RSPH10B: variants seen among roughly 807,000 people sequenced by gnomAD.
RSPH10B encodes radial spoke head 10 homolog B.
A neutral mutation model predicts 52.5 loss-of-function variants in RSPH10B; 7 were observed. That is an observed-to-expected ratio of 0.13 (90% CI 0.08 to 0.25). The LOEUF is 0.25. Ranked by LOEUF, RSPH10B falls within the 10% of genes least tolerant of loss-of-function variation. The probability of loss-of-function intolerance (pLI) is 1.00; values close to 1 mark genes in which losing one functional copy is unlikely to be tolerated. For missense variants in RSPH10B, 89 were observed against 542.5 expected (o/e 0.16, Z 8.30); for synonymous variants, 28 against 193.2 (o/e 0.14, Z 7.09).
chr7:5,927,752 C>T (rs1197352406), intron 18 of RSPH10B, among the ~76,000 whole-genome samples: 1 of 146,916 alleles, frequency 6.8e-6, no homozygotes, highest in Non-Finnish European at 1.5e-5. Flanking sequence ...CCTGGACAAC[C>T]TGGTGAAACC....
chr7:5,961,378 C>G (rs557925945), intron 3 of RSPH10B, among the ~76,000 whole-genome samples: 7 of 144,158 alleles, frequency 4.9e-5, no homozygotes, highest in African/African-American at 1.8e-4. Flanking sequence ...CTCACTCTGT[C>G]GCCCAGGCTG....
At chr7:5,929,276 C>T (rs528291017) in intron 17 of RSPH10B, among the ~76,000 whole-genome samples, 24 of 142,404 alleles carry the variant, frequency 1.7e-4, no homozygotes, top group African/African-American at 6.5e-4. Context: ...AACTCCTGGG[C>T]TCAAATGATC....
At chr7:5,928,986 A>G (rs998568516) in intron 17 of RSPH10B, among the ~76,000 whole-genome samples, 5 of 146,844 alleles carry the variant, frequency 3.4e-5, no homozygotes, top group South Asian at 2.2e-4. Flanking sequence ...TCCATGTTTC[A>G]AGAATAAAAA....
At chr7:5,931,079 G>A (rs1214284297) in intron 17 of RSPH10B, among the ~76,000 whole-genome samples, 4 of 121,396 alleles carry the variant, frequency 3.3e-5, no homozygotes, top group East Asian at 2.4e-4. Context: ...GACTACAGGC[G>A]TGTGCCACCA....
chr7:5,930,870 G>C (rs1779725952), intron 17 of RSPH10B, among the ~76,000 whole-genome samples: 1 of 55,812 alleles, frequency 1.8e-5, no homozygotes, highest in Non-Finnish European at 3.7e-5. Context: ...AAGATGCCTA[G>C]CAGCAAAGGA....
At chr7:5,940,623 G>A (rs565769436) in intron 13 of RSPH10B, among the ~76,000 whole-genome samples, 19 of 10,144 alleles carry the variant, frequency 1.9e-3, no homozygotes, top group African/African-American at 5.5e-3. Context: ...TTGACTGACA[G>A]AGACTGTGAG....
chr7:5,943,460 C>G (rs753302771), exon 13 of RSPH10B: 17 of 1,584,124 alleles, frequency 1.1e-5, no homozygotes, highest in Non-Finnish European at 9.4e-6. Context: ...CTGTTGCTCA[C>G]GGAATAAATT....
chr7:5,955,173 GA>G (rs575449168), intron 7 of RSPH10B, among the ~76,000 whole-genome samples: 34 of 127,434 alleles, frequency 2.7e-4, no homozygotes, highest in African/African-American at 8.3e-4. Flanking sequence ...TCAAAAAAAA[GA>G]AAAAAAAAGT....
At position 5,932,887 on chromosome 7, in the gene RSPH10B, TA is replaced by T; in HGVS notation, c.2140-13del. On this transcript the variant is annotated splice_polypyrimidine_tract_variant and intron_variant, in intron 16 of 18. Coordinates refer to ENST00000337579, the Ensembl canonical transcript of RSPH10B. ...TTCTTGATCTTGGGCTTTTGCATTTTAAAAAAATCATAAAGCAAAATATTAC... is the reference window on the plus strand; with the variant it reads ...TTCTTGATCTTGGGCTTTTGCATTTTAAAAAATCATAAAGCAAAATATTAC... 2.9e-6 allele frequency: 1 copy of T among 343,476 alleles called. No homozygotes were observed. The allele number at this position is 343,476 out of a possible 1,614,324, so 21.3% of individuals were successfully genotyped here. A position where few individuals can be genotyped will look rare whatever the true frequency, so the allele number is the denominator to read the frequency against.
chr7:5,957,776 A>G, intron 6 of RSPH10B, 131 bp downstream of exon 8: 6 of 1,243,278 alleles, frequency 4.8e-6, no homozygotes, highest in South Asian at 1.6e-5. Context: ...AGCCTGGGAG[A>G]CAGACAGAGA....
intron 3 of RSPH10B, among the ~76,000 whole-genome samples, chr7:5,961,329 AG>A (rs1780934704): frequency 6.8e-6 from 1 of 146,090 alleles, no homozygotes; most frequent in Non-Finnish European, 1.5e-5. Context: ...CTCTAGAAAA[AG>A]ATTTTATTTG....
rs1224545977 is a variant in RSPH10B at position 5,942,869 on chromosome 7, AT to A, written c.1758+454del. 9.5e-3 allele frequency among the ~76,000 whole-genome samples: 1,370 copies of A among 144,772 alleles called. 17 individuals are homozygous for A. Among genetic ancestry groups the A allele is most frequent in the African/African-American group, 0.033 (1,295 of 39,048 alleles). The allele number at this position is 144,772 out of a possible 152,430, so 95.0% of individuals were successfully genotyped here. On this transcript the variant is annotated intron_variant, in intron 13 of 18. Coordinates refer to ENST00000337579, the Ensembl canonical transcript of RSPH10B. ...AAGAGCAAAACTCCGTCTCAAAAAA[AT>A]AAAATTAAAAATATATATATATTTA...
At chr7:5,927,048 T>TGTGTGTGTGTGTGTGTG (rs1347951159) in intron 18 of RSPH10B, among the ~76,000 whole-genome samples, 5 of 70,826 alleles carry the variant, frequency 7.1e-5, no homozygotes, top group African/African-American at 2.1e-4. Flanking sequence ...TGTGTGTGTA[T>TGTGTGTGTGTGTGTGTG]TATGTGTGTG....
chr7:5,968,602 G>A (rs1781188018), upstream of RSPH10B, among the ~76,000 whole-genome samples: 1 of 69,086 alleles, frequency 1.4e-5, no homozygotes, highest in African/African-American at 4.6e-5. Context: ...CACCTCCCGG[G>A]TTCATGCCAT....
chr7:5,931,894 C>T (rs1217656066), intron 17 of RSPH10B, among the ~76,000 whole-genome samples: 9 of 151,100 alleles, frequency 6.0e-5, no homozygotes, highest in African/African-American at 2.2e-4. Flanking sequence ...GAGGCTGAGG[C>T]AGGAGAATCA....
intron 13 of RSPH10B, among the ~76,000 whole-genome samples, chr7:5,941,909 T>G (rs1280823989): frequency 6.7e-6 from 1 of 148,820 alleles, no homozygotes; most frequent in East Asian, 1.9e-4. Context: ...GTTTTTTTTT[T>G]GAGACAGAGT....
chr7:5,927,064 G>GTATATA (rs1256218789), intron 18 of RSPH10B, among the ~76,000 whole-genome samples: 70 of 103,832 alleles, frequency 6.7e-4, no homozygotes, highest in African/African-American at 2.4e-3. Flanking sequence ...GTGTGTGTGT[G>GTATATA]TGTATATGTG....
chr7:5,964,262 C>A (rs1781026712), intron 3 of RSPH10B, among the ~76,000 whole-genome samples: 2 of 150,834 alleles, frequency 1.3e-5, no homozygotes, highest in South Asian at 4.2e-4. Flanking sequence ...AAGCTACATA[C>A]ATGTACGTGT....
In RSPH10B at chr7:5,944,295, G is replaced by A. The variant is rs566922441; in HGVS notation, c.1530-305C>T. The stretch of plus-strand genomic sequence containing the variant: ...CACCGGTAATCCCAGCTACTTGGGA[G>A]GCTGAGGCAGGAGAATCACTGGAAC... On this transcript the variant is annotated intron_variant, in intron 11 of 18. Transcript: ENST00000337579. Among the ~76,000 whole-genome samples, 101 of 150,856 alleles carry A rather than the reference G, an allele frequency of 6.7e-4. No homozygotes were observed. The Admixed American group carries it at 6.7e-3, about 10-fold the overall frequency.
Sources: gnomAD v4.1 joint callset for allele counts (sites outside exome capture counted in the v4.1 genomes callset) on GRCh38, gnomAD v4.1.1 for gene constraint, MANE v1.5 for transcripts, NCBI Gene and HGNC (gene_info 2026-07-23, HGNC 2026-07-21) for gene names.